RALGAPA1: variants seen among roughly 807,000 people sequenced by gnomAD.
RALGAPA1 encodes Ral GTPase activating protein catalytic subunit alpha 1, also known as ral GTPase-activating protein subunit alpha-1.
RALGAPA1 carries 52 observed loss-of-function variants against 269.6 expected under a neutral mutation model. That is an observed-to-expected ratio of 0.19 (90% CI 0.15 to 0.24). RALGAPA1 has a LOEUF of 0.24. RALGAPA1 is among the 10% of genes least tolerant of loss of function. The pLI is 1.00. For synonymous variants in RALGAPA1, 817 were observed against 1,008.3 expected (o/e 0.81, Z 3.60); for missense variants, 1,917 against 3,013.9 (o/e 0.64, Z 8.52).
At chr14:35,563,611 G>A (rs770388932) in intron 39 of RALGAPA1, among the ~76,000 whole-genome samples, 5 of 152,134 alleles carry the variant, frequency 3.3e-5, no homozygotes, top group Non-Finnish European at 7.4e-5. Flanking sequence ...GCCATCTTAA[G>A]TCTTTTAGTA....
chr14:35,702,744 T>G (rs1488654289), intron 16 of RALGAPA1, among the ~76,000 whole-genome samples: 2 of 136,722 alleles, frequency 1.5e-5, no homozygotes, highest in Admixed American at 1.4e-4. Flanking sequence ...TATATATACA[T>G]TTTTTTTTTT....
intron 41 of RALGAPA1, among the ~76,000 whole-genome samples, chr14:35,544,690 C>T (rs547654780): frequency 6.6e-6 from 1 of 152,256 alleles, no homozygotes; most frequent in Non-Finnish European, 1.5e-5. Flanking sequence ...TAGAACATAT[C>T]TGGCTGCCTA....
intron 35 of RALGAPA1, 80 bp from the exon 36 acceptor site, chr14:35,605,789 A>C: frequency 6.7e-7 from 1 of 1,488,660 alleles, no homozygotes; most frequent in Non-Finnish European, 9.1e-7. Flanking sequence ...TCTATGTACA[A>C]AGTATGTAGC....
At chr14:35,783,852 C>A (rs540078685) in intron 1 of RALGAPA1, among the ~76,000 whole-genome samples, 1 of 152,070 alleles carries the variant, frequency 6.6e-6, no homozygotes, top group African/African-American at 2.4e-5. Context: ...CAAAGCAAAA[C>A]CACAATGAGA....
chr14:35,753,226 C>G (rs1210220711), intron 7 of RALGAPA1, among the ~76,000 whole-genome samples: 1 of 152,146 alleles, frequency 6.6e-6, no homozygotes, highest in Non-Finnish European at 1.5e-5. Flanking sequence ...TTCCACTAGA[C>G]AAATTTAGGA....
At chr14:35,663,396 A>G (rs1439433777) in intron 27 of RALGAPA1, among the ~76,000 whole-genome samples, 1 of 152,092 alleles carries the variant, frequency 6.6e-6, no homozygotes, top group East Asian at 1.9e-4. Flanking sequence ...TGGACTTTTT[A>G]AAACTTGAGA....
chr14:35,798,907 AATCG>A (rs1181619015), intron 1 of RALGAPA1, among the ~76,000 whole-genome samples: 1 of 152,090 alleles, frequency 6.6e-6, no homozygotes, highest in African/African-American at 2.4e-5. Context: ...GAGGCAAAAG[AATCG>A]CTTGAACCAA....
intron 10 of RALGAPA1, 68 bp from the exon 11 acceptor site, chr14:35,742,633 T>C: frequency 9.4e-7 from 1 of 1,060,722 alleles, no homozygotes; most frequent in South Asian, 1.3e-5. Flanking sequence ...AACGCAGTAA[T>C]GTTTTTCACA....
At chr14:35,582,101 C>T (rs2057986526) in intron 37 of RALGAPA1, among the ~76,000 whole-genome samples, 1 of 152,116 alleles carries the variant, frequency 6.6e-6, no homozygotes, top group Non-Finnish European at 1.5e-5. Flanking sequence ...ATCTTGAAAA[C>T]ATGCTAAGTA....
chr14:35,672,422 A>AG (rs2064540771), intron 25 of RALGAPA1, among the ~76,000 whole-genome samples: 1 of 152,152 alleles, frequency 6.6e-6, no homozygotes, highest in Non-Finnish European at 1.5e-5. Context: ...TCACTATGCC[A>AG]ATATAATTGA....
At chr14:35,569,859 C>T (rs2057029685) in intron 39 of RALGAPA1, among the ~76,000 whole-genome samples, 1 of 152,090 alleles carries the variant, frequency 6.6e-6, no homozygotes, top group Admixed American at 6.6e-5. Flanking sequence ...TATGTTTCCC[C>T]AACTAGATTG....
intron 4 of RALGAPA1, among the ~76,000 whole-genome samples, chr14:35,765,231 C>T (rs751549169): frequency 2.6e-5 from 4 of 152,104 alleles, no homozygotes; most frequent in Non-Finnish European, 5.9e-5. Flanking sequence ...GTTAGTATAA[C>T]TTTATAATTT....
At chr14:35,721,576 C>G (rs1466870315) in intron 16 of RALGAPA1, 112 bp downstream of exon 16, 1 of 993,346 alleles carries the variant, frequency 1.0e-6, no homozygotes, top group South Asian at 2.0e-5. Context: ...AGCAGTTTTT[C>G]ATTTCACAAC....
At chr14:35,570,827 A>G (rs1011814161) in intron 38 of RALGAPA1, 83 bp from the exon 39 acceptor site, 2 of 1,288,440 alleles carry the variant, frequency 1.6e-6, no homozygotes, top group Admixed American at 5.5e-5. Context: ...TTTGCATCCA[A>G]AAGTATTTCT....
chr14:35,558,408 C>T (rs116855600), intron 39 of RALGAPA1, among the ~76,000 whole-genome samples: 350 of 152,110 alleles, frequency 2.3e-3, no homozygotes, highest in Non-Finnish European at 2.7e-3. Flanking sequence ...TGAATTGTGA[C>T]GATTTTATCC....
chr14:35,556,819 G>A (rs991707883), intron 39 of RALGAPA1, among the ~76,000 whole-genome samples: 8 of 152,190 alleles, frequency 5.3e-5, no homozygotes, highest in African/African-American at 1.9e-4. Flanking sequence ...TGCTAAGGCA[G>A]TGTGAGGATA....
At chr14:35,636,113 A>G (rs896481991) in intron 31 of RALGAPA1, among the ~76,000 whole-genome samples, 1 of 151,972 alleles carries the variant, frequency 6.6e-6, no homozygotes, top group African/African-American at 2.4e-5. Flanking sequence ...GTCTTGCTAT[A>G]TTGCCCAGGC....
intron 12 of RALGAPA1, 30 bp downstream of exon 12, chr14:35,738,483 A>G: frequency 6.6e-7 from 1 of 1,513,464 alleles, no homozygotes; most frequent in East Asian, 2.4e-5. Context: ...TGATTATTTT[A>G]TTTTTAAAAA....
chr14:35,694,973 G>A (rs536767591), intron 17 of RALGAPA1, among the ~76,000 whole-genome samples: 3 of 152,160 alleles, frequency 2.0e-5, no homozygotes, highest in Admixed American at 6.5e-5. Context: ...CCAGCTACTC[G>A]GGAGGCTGAG....
Sources: gnomAD v4.1 joint callset for allele counts (sites outside exome capture counted in the v4.1 genomes callset) on GRCh38, gnomAD v4.1.1 for gene constraint, MANE v1.5 for transcripts, NCBI Gene and HGNC (gene_info 2026-07-23, HGNC 2026-07-21) for gene names.